The following FARS2 variants were observed in gnomAD, a reference collection of about 807,000 sequenced individuals.
FARS2 encodes the protein phenylalanine--tRNA ligase, mitochondrial.
FARS2 carries 40 observed loss-of-function variants against 46.4 expected under a neutral mutation model. The observed-to-expected ratio is 0.86, with a 90% confidence interval of 0.67 to 1.12. The LOEUF (loss-of-function observed/expected upper bound fraction) is 1.12. FARS2 is among the 50% of genes most tolerant of loss of function. The pLI is 0.00. For missense variants in FARS2, 513 were observed against 567.9 expected, an observed-to-expected ratio of 0.90 and a Z score of 0.98; for synonymous variants, 234 against 214.9, an observed-to-expected ratio of 1.09 and a Z score of -0.78.
At chr6:5,488,951 GGC>G (rs1766939075) in intron 4 of FARS2, among the ~76,000 whole-genome samples, 1 of 152,136 alleles carries the variant, frequency 6.6e-6, no homozygotes. Context: ...TACATTTCTA[GGC>G]ACTGGGTCTA....
At chr6:5,504,307 A>G (rs1295411792) in intron 4 of FARS2, among the ~76,000 whole-genome samples, 1 of 152,166 alleles carries the variant, frequency 6.6e-6, no homozygotes, top group African/African-American at 2.4e-5. Flanking sequence ...ATTCAAAAGA[A>G]TCATAAAGAG....
rs1243874507 is a variant in FARS2 at position 5,755,275 on chromosome 6, G to A, written c.1218-16016G>A. Among the ~76,000 whole-genome samples the A allele has an allele frequency of 3.9e-5, 6 of 152,220 alleles. No individual in the cohort carries two copies. In the Middle Eastern group the frequency reaches 0.01, roughly 259 times the overall value. ...GCAGTTTTCTTACACATGCCATGGTGGTTTGCTGCACCCATCAACCCGTCA... is the reference window on the plus strand; with the variant it reads ...GCAGTTTTCTTACACATGCCATGGTAGTTTGCTGCACCCATCAACCCGTCA... On this transcript the variant is annotated intron_variant, in intron 6 of 6. Transcript: ENST00000274680.
chr6:5,457,320 C>T (rs1473441273), intron 4 of FARS2, among the ~76,000 whole-genome samples: 2 of 152,222 alleles, frequency 1.3e-5, no homozygotes, highest in African/African-American at 2.4e-5. Context: ...AGCACCCTGT[C>T]ACCCAATTCT....
intron 6 of FARS2, among the ~76,000 whole-genome samples, chr6:5,699,621 C>T (rs1166913396): frequency 6.6e-6 from 1 of 152,090 alleles, no homozygotes; most frequent in Non-Finnish European, 1.5e-5. Flanking sequence ...AATTCTCCTG[C>T]CTCAGCCTCC....
chr6:5,430,096 C>G (rs910385487), intron 3 of FARS2, among the ~76,000 whole-genome samples: 1 of 152,026 alleles, frequency 6.6e-6, no homozygotes, highest in African/African-American at 2.4e-5. Flanking sequence ...ATTTTAAATT[C>G]ACAAGAGGGC....
chr6:5,430,191 C>T (rs1763082681), intron 3 of FARS2, among the ~76,000 whole-genome samples: 1 of 151,810 alleles, frequency 6.6e-6, no homozygotes, highest in Admixed American at 6.6e-5. Flanking sequence ...GGGAAAGGGA[C>T]ACAGGGACAG....
intron 5 of FARS2, among the ~76,000 whole-genome samples, chr6:5,567,597 A>G (rs1235933552): frequency 6.6e-6 from 1 of 152,214 alleles, no homozygotes; most frequent in Non-Finnish European, 1.5e-5. Flanking sequence ...TTTGTTGAGT[A>G]TAGCCTGGTG....
At chr6:5,475,774 G>T (rs1561647177) in intron 4 of FARS2, among the ~76,000 whole-genome samples, 1 of 152,098 alleles carries the variant, frequency 6.6e-6, no homozygotes, top group East Asian at 1.9e-4. Flanking sequence ...TTACTCAGGT[G>T]CAGCTCAGAG....
intron 1 of FARS2, among the ~76,000 whole-genome samples, chr6:5,320,829 A>G (rs984831045): frequency 4.6e-5 from 7 of 152,078 alleles, no homozygotes; most frequent in African/African-American, 1.7e-4. Flanking sequence ...GCACCAGGAG[A>G]TTAGGTGTCT....
intron 4 of FARS2, among the ~76,000 whole-genome samples, chr6:5,493,519 A>G (rs949162132): frequency 6.6e-6 from 1 of 152,182 alleles, no homozygotes; most frequent in African/African-American, 2.4e-5. Context: ...ATGGAAAGTC[A>G]AAGTCGCAGT....
intron 3 of FARS2, among the ~76,000 whole-genome samples, chr6:5,420,754 C>T (rs566891055): frequency 6.6e-6 from 1 of 152,240 alleles, no homozygotes; most frequent in African/African-American, 2.4e-5. Flanking sequence ...TGCGGCTTTT[C>T]TAGGTGCCTG....
intron 6 of FARS2, among the ~76,000 whole-genome samples, chr6:5,614,396 T>G (rs959473022): frequency 6.6e-6 from 1 of 151,142 alleles, no homozygotes; most frequent in Non-Finnish European, 1.5e-5. Flanking sequence ...GACTCCCACC[T>G]GTTTCCTTCT....
intron 6 of FARS2, among the ~76,000 whole-genome samples, chr6:5,618,294 A>G (rs1313656914): frequency 6.6e-6 from 1 of 152,082 alleles, no homozygotes; most frequent in Non-Finnish European, 1.5e-5. Context: ...CATCCTCCCC[A>G]TCTCCCCACC....
chr6:5,343,950 G>A lies in FARS2; in HGVS notation c.-21-24600G>A, dbSNP rs1322574481. ...TGTGCATGGCAATGGCTAAGAATGG[G>A]CACTGCCTGCTTCTGAGGTGTCCTC... On this transcript the variant is annotated intron_variant, in intron 1 of 6. Coordinates refer to ENST00000274680, the MANE Select transcript of FARS2 (RefSeq NM_006567.5). The surrounding 1 kb of genome is among the most constrained non-coding windows in gnomAD (Gnocchi z 4.5). Among the ~76,000 whole-genome samples, 1 of 152,238 alleles carries A rather than the reference G, an allele frequency of 6.6e-6. No individual in the cohort carries two copies. Among genetic ancestry groups the A allele is most frequent in the African/African-American group, 2.4e-5 (1 of 41,458 alleles).
intron 6 of FARS2, among the ~76,000 whole-genome samples, chr6:5,625,507 G>T (rs1420839533): frequency 2.0e-5 from 3 of 152,324 alleles, no homozygotes; most frequent in South Asian, 4.1e-4. Flanking sequence ...GTCAGCCCCG[G>T]GGGGAGGGAC....
At chr6:5,677,756 T>C (rs771819966) in intron 6 of FARS2, among the ~76,000 whole-genome samples, 11 of 152,206 alleles carry the variant, frequency 7.2e-5, no homozygotes, top group Non-Finnish European at 1.3e-4. Context: ...CTCACACATA[T>C]AGTTTTATCT....
Position 5,580,161 on chromosome 6 carries a change from G to A in FARS2, c.1066-33008G>A, listed in dbSNP as rs553562872. Among the ~76,000 whole-genome samples, 11 of 151,330 alleles carry A rather than the reference G, an allele frequency of 7.3e-5. No homozygotes were observed. In the East Asian group the frequency reaches 1.2e-3, roughly 16 times the overall value. On this transcript the variant is annotated intron_variant, in intron 5 of 6. Transcript: ENST00000274680. The stretch of plus-strand genomic sequence containing the variant: ...AAAAATTAGCCGGGCGTGGTGGTGC[G>A]CACCTGTAATCCCAGCTACTCAGGA...
At chr6:5,615,699 A>G (rs1414638305) in intron 6 of FARS2, among the ~76,000 whole-genome samples, 1 of 151,958 alleles carries the variant, frequency 6.6e-6, no homozygotes, top group Admixed American at 6.6e-5. Context: ...TGCCGCTCAT[A>G]TTTGAATGCA....
chr6:5,359,029 C>CTTT (rs764897456), intron 1 of FARS2, among the ~76,000 whole-genome samples: 3,410 of 72,492 alleles, frequency 0.047, 916 homozygotes, highest in African/African-American at 0.06. Flanking sequence ...GAAAAGATAC[C>CTTT]CTTTTTTTTT....
Sources: gnomAD v4.1 joint callset for allele counts (sites outside exome capture counted in the v4.1 genomes callset) on GRCh38, gnomAD v4.1.1 for gene constraint, Gnocchi (gnomAD v3.1) non-coding constraint, MANE v1.5 for transcripts, NCBI Gene and HGNC (gene_info 2026-07-23, HGNC 2026-07-21) for gene names.